Variants in EXD1 observed in about 807,000 individuals in gnomAD.
EXD1 encodes the protein exonuclease 3'-5' domain containing 1.
Under a neutral mutation model 49.1 loss-of-function variants are expected in EXD1, and 63 were observed. The observed-to-expected ratio is 1.28, with a 90% CI of 1.05 to 1.58. The LOEUF is 1.58. Ranked by LOEUF, EXD1 falls within the 40% of genes most tolerant of loss-of-function variation. The pLI is 0.00. For missense variants in EXD1, 748 were observed against 666.0 expected (o/e 1.12, Z -1.36); for synonymous variants, 234 against 239.2 (o/e 0.98, Z 0.20).
In EXD1 at chr15:41,215,463, G is replaced by T. The variant is rs561288265; in HGVS notation, c.447+312C>A. Among the ~76,000 whole-genome samples, 155 of 152,176 alleles carry T rather than the reference G, an allele frequency of 1.0e-3. 1 individual carries two copies. The highest frequency in any genetic ancestry group is 3.7e-4 in the Non-Finnish European group (25 of 68,014). On this transcript the variant is annotated intron_variant, in intron 6 of 11. Transcript: ENST00000458580. ...GCACTTTGGGAGGCCGAGGCGGGTG[G>T]ATCACGAGGTCAGGAGATCGAGACC...
At chr15:41,204,901 C>T (rs2046799103) in intron 7 of EXD1, among the ~76,000 whole-genome samples, 1 of 152,062 alleles carries the variant, frequency 6.6e-6, no homozygotes, top group Admixed American at 6.6e-5. Context: ...TAGAGGGTCC[C>T]GCTACATACC....
intron 2 of EXD1, among the ~76,000 whole-genome samples, chr15:41,225,783 G>T (rs1159114305): frequency 6.6e-6 from 1 of 151,930 alleles, no homozygotes; most frequent in African/African-American, 2.4e-5. Context: ...AGCCACTCGG[G>T]AGGCTGAGGC....
intron 2 of EXD1, 30 bp from the exon 3 acceptor site, chr15:41,219,928 T>C: frequency 6.6e-7 from 1 of 1,511,974 alleles, no homozygotes. Context: ...ATTCAGTTAA[T>C]TAAAATATTT....
Position 41,184,449 on chromosome 15 carries a change from C to G in EXD1, c.1201G>C (p.Glu401Gln), listed in dbSNP as rs778270320. 1.9e-6 allele frequency: 3 copies of G among 1,614,178 alleles called. No homozygotes were observed. The highest frequency in any genetic ancestry group is 3.3e-4 in the Middle Eastern group (2 of 6,062). The change falls in exon 12 of 12, where the codon GAG becomes CAG. Residue 401 changes from glutamate (E) to glutamine (Q), a missense_variant. Transcript: ENST00000458580. ...TVLQPKKLVT[E>Q]TAGKEEKVKG... ...ACTTTCTCCTCTTTCCCTGCTGTCTCTGTCACTAATTTCTTTGGCTGTAGC... is the reference window on the plus strand; with the variant it reads ...ACTTTCTCCTCTTTCCCTGCTGTCTGTGTCACTAATTTCTTTGGCTGTAGC...
chr15:41,202,147 A>ATT (rs1437125444), intron 7 of EXD1, among the ~76,000 whole-genome samples: 77 of 129,312 alleles, frequency 6.0e-4, no homozygotes, highest in African/African-American at 1.7e-3. Context: ...CAGAACTTTC[A>ATT]TTATATATAT....
chr15:41,203,585 C>T (rs545156295), intron 7 of EXD1, among the ~76,000 whole-genome samples: 72 of 152,174 alleles, frequency 4.7e-4, no homozygotes, highest in Non-Finnish European at 8.7e-4. Context: ...AAGGCGATCA[C>T]GGAAACCAGA....
intron 3 of EXD1, among the ~76,000 whole-genome samples, chr15:41,218,398 A>G (rs1294900891): frequency 1.3e-5 from 2 of 151,124 alleles, no homozygotes; most frequent in African/African-American, 4.9e-5. Flanking sequence ...GATGCAGGAG[A>G]ATTGCTTGAA....
At chr15:41,220,042 G>A (rs898754686) in intron 2 of EXD1, 144 bp from the exon 3 acceptor site, 2 of 622,422 alleles carry the variant, frequency 3.2e-6, no homozygotes, top group East Asian at 5.7e-5. Context: ...TTCCCCCAAG[G>A]AATGAAGAGT....
At chr15:41,189,047 G>A (rs1356729243) in intron 11 of EXD1, among the ~76,000 whole-genome samples, 2 of 151,558 alleles carry the variant, frequency 1.3e-5, no homozygotes, top group Non-Finnish European at 2.9e-5. Context: ...CAGGCCTATA[G>A]TTTTTTATAT....
At chr15:41,191,259 T>C (rs1270719784) in intron 10 of EXD1, among the ~76,000 whole-genome samples, 183 bp downstream of exon 10, 1 of 152,216 alleles carries the variant, frequency 6.6e-6, no homozygotes, top group Non-Finnish European at 1.5e-5. Flanking sequence ...CTAACAAATC[T>C]GGATCCTGGC....
At chr15:41,221,932 T>G (rs964856819) in intron 2 of EXD1, among the ~76,000 whole-genome samples, 2 of 146,366 alleles carry the variant, frequency 1.4e-5, no homozygotes, top group Non-Finnish European at 3.0e-5. Flanking sequence ...AAACCCTGTC[T>G]CTACTAAAAC....
intron 9 of EXD1, 79 bp from the exon 10 acceptor site, chr15:41,191,664 A>G (rs2046520694): frequency 7.4e-7 from 1 of 1,348,406 alleles, no homozygotes; most frequent in Admixed American, 2.1e-5. Context: ...TATTTAGAGA[A>G]ATGTCTAAAT....
intron 1 of EXD1, among the ~76,000 whole-genome samples, chr15:41,230,019 C>T (rs1298639328): frequency 1.3e-5 from 2 of 151,338 alleles, no homozygotes; most frequent in Non-Finnish European, 2.9e-5. Context: ...AGGGGTAAGG[C>T]AGGTGAAGCA....
At chr15:41,203,789 C>T (rs1331365483) in intron 7 of EXD1, among the ~76,000 whole-genome samples, 1 of 151,664 alleles carries the variant, frequency 6.6e-6, no homozygotes. Flanking sequence ...TGGTGGCACA[C>T]TCCTGTAATC....
At chr15:41,229,030 G>A (rs1301335390) in intron 1 of EXD1, among the ~76,000 whole-genome samples, 5 of 152,108 alleles carry the variant, frequency 3.3e-5, no homozygotes, top group African/African-American at 7.2e-5. Context: ...CTGAGAAAAG[G>A]GACATTCATG....
In EXD1 at chr15:41,215,774, C is replaced by T; in HGVS notation, c.447+1G>A. 1.9e-6 allele frequency: 3 copies of T among 1,613,668 alleles called. No individual in the cohort carries two copies. Among genetic ancestry groups the T allele is most frequent in the Non-Finnish European group, 2.5e-6 (3 of 1,179,642 alleles). ...TAGTAATGATTGAGGACAATACTTA[C>T]CGCAGCACCAAACTTCTGCTGGAAT... On this transcript the variant is annotated splice_donor_variant, in intron 6 of 11. Coordinates refer to ENST00000458580, the MANE Select transcript of EXD1 (RefSeq NM_001286441.2). LOFTEE classifies it high-confidence loss of function.
At chr15:41,219,766 G>C in intron 3 of EXD1, 64 bp downstream of exon 3, 1 of 1,334,068 alleles carries the variant, frequency 7.5e-7, no homozygotes, top group Non-Finnish European at 1.0e-6. Flanking sequence ...ATTAAGACAA[G>C]ACAATTTCAA....
In EXD1 at chr15:41,192,593, CATTTTTTTTTTTTTTTTTTTTT is replaced by C. The variant is rs1199548471; in HGVS notation, c.721-1030_721-1009del. 4.2e-4 allele frequency among the ~76,000 whole-genome samples: 36 copies of C among 86,160 alleles called. No homozygotes were observed. In the South Asian group the frequency reaches 0.011, roughly 26 times the overall value. 56.5% of individuals were successfully genotyped at this position (86,160 alleles called of 152,430 possible). A position where few individuals can be genotyped will look rare whatever the true frequency, so the allele number is the denominator to read the frequency against. On this transcript the variant is annotated intron_variant, in intron 9 of 11. Transcript: ENST00000458580. ...TACAGGCGTGAACCACTGCGCCAGG[CATTTTTTTTTTTTTTTTTTTTT>C]TTTTTTTTTTTTTTTTTGAGATAGG...
At chr15:41,225,764 C>T (rs1253753030) in intron 2 of EXD1, among the ~76,000 whole-genome samples, 13 of 146,620 alleles carry the variant, frequency 8.9e-5, no homozygotes, top group South Asian at 6.5e-4. Context: ...GGTGTGTGCC[C>T]GTAATTCCAG....
Sources: gnomAD v4.1 joint callset for allele counts (sites outside exome capture counted in the v4.1 genomes callset) on GRCh38, gnomAD v4.1.1 for gene constraint, MANE v1.5 for transcripts, NCBI Gene and HGNC (gene_info 2026-07-23, HGNC 2026-07-21) for gene names.